CFAP92: variants seen among roughly 807,000 people sequenced by gnomAD.
CFAP92 encodes the protein uncharacterized protein CFAP92.
Under a neutral mutation model 106.3 loss-of-function variants are expected in CFAP92, and 86 were observed. The observed-to-expected ratio is 0.81, with a 90% confidence interval of 0.68 to 0.97. CFAP92 has a LOEUF of 0.97. CFAP92 is among the 50% of genes least tolerant of loss of function. The probability of loss-of-function intolerance (pLI) is 0.00; values close to 1 mark genes in which losing one functional copy is unlikely to be tolerated. For synonymous variants in CFAP92, 477 were observed against 506.4 expected, an observed-to-expected ratio of 0.94 and a Z score of 0.78; for missense variants, 1,204 against 1,283.8, an observed-to-expected ratio of 0.94 and a Z score of 0.95.
chr3:128,994,241 G>T, upstream of CFAP92: 1 of 707,442 alleles, frequency 1.4e-6, no homozygotes, highest in Non-Finnish European at 1.7e-6. Flanking sequence ...CTACATCCAG[G>T]TTCAGAAACC....
In CFAP92 at chr3:128,971,395, T is replaced by C; in HGVS notation, c.1060A>G (p.Arg354Gly). 6.2e-7 allele frequency: 1 copy of C among 1,612,712 alleles called. No homozygotes were observed. The highest frequency in any genetic ancestry group is 8.5e-7 in the Non-Finnish European group (1 of 1,179,366). Residue 354 changes from arginine to glycine, a missense_variant, in exon 8 of 16, where the codon AGG (arginine) becomes GGG (glycine). Coordinates refer to ENST00000645291, the MANE Select transcript of CFAP92 (RefSeq NM_001394090.1). ...KDSEGRRKIQ[R>G]RHKKPLAEEE... Reference sequence around the variant, plus strand: ...TCTGCCAGGGGCTTCTTATGTCTCCTCTGGATTTTCCTTCTTCCCTCTGAA... The same window carrying C: ...TCTGCCAGGGGCTTCTTATGTCTCCCCTGGATTTTCCTTCTTCCCTCTGAA...
At position 128,913,114 on chromosome 3, in the gene CFAP92, A is replaced by G. The variant is rs558100711; in HGVS notation, c.3280+2005T>C. On this transcript the variant is annotated intron_variant, in intron 15 of 15. Coordinates refer to ENST00000645291, the MANE Select transcript of CFAP92 (RefSeq NM_001394090.1). The stretch of plus-strand genomic sequence containing the variant: ...AAAATGTCACAATCTGTGTACTGTT[A>G]GCCTTTGCTGTACTTGTCACACTGT... 3 of 448,058 alleles carry G rather than the reference A, an allele frequency of 6.7e-6. No homozygotes were observed. In the Admixed American group the frequency reaches 7.1e-5, roughly 11 times the overall value. The allele number at this position is 448,058 out of a possible 1,614,324, so 27.8% of individuals were successfully genotyped here. A position where few individuals can be genotyped will look rare whatever the true frequency, so the allele number is the denominator to read the frequency against.
chr3:129,025,614 A>G, the CFAP92 span, among the ~76,000 whole-genome samples: 2 of 152,000 alleles, frequency 1.3e-5, no homozygotes, highest in Admixed American at 6.5e-5. Flanking sequence ...TGTTTTGTGT[A>G]TTTGCTTGTT....
chr3:128,971,443 C>T lies in CFAP92; in HGVS notation c.1022-10G>A, dbSNP rs746114702. ...GAATCTTTCCCTTTAACTGTGAAAT[C>T]AAACAAAGGAGATGAGCATTAAGAG... On this transcript the variant is annotated splice_polypyrimidine_tract_variant and intron_variant, in intron 7 of 15. Transcript: ENST00000645291. 4.8e-5 allele frequency: 76 copies of T among 1,586,766 alleles called. No individual in the cohort carries two copies. The highest frequency in any genetic ancestry group is 1.8e-5 in the Non-Finnish European group (21 of 1,165,756).
chr3:128,951,619 G>A (rs1248964253), intron 9 of CFAP92, among the ~76,000 whole-genome samples: 6 of 152,174 alleles, frequency 3.9e-5, no homozygotes, highest in Admixed American at 3.9e-4. Context: ...GGAGAAGGCA[G>A]TATCCAGAAA....
chr3:128,982,214 AG>A (rs1228897802), intron 4 of CFAP92, among the ~76,000 whole-genome samples: 4 of 152,374 alleles, frequency 2.6e-5, no homozygotes, highest in African/African-American at 9.6e-5. Flanking sequence ...CAGTGATCTT[AG>A]CTAGATCTCC....
In CFAP92 at chr3:128,910,732, T is replaced by A. The variant is rs781042917; in HGVS notation, c.3281-399A>T. 3 of 1,614,218 alleles carry A rather than the reference T, an allele frequency of 1.9e-6. No individual in the cohort carries two copies. The South Asian group carries it at 3.3e-5, about 18-fold the overall frequency. On this transcript the variant is annotated intron_variant, in intron 15 of 15. Transcript: ENST00000645291. ...TTGGGCATATCTTTTCTGTCCTCGG[T>A]TCTGGCAGGTTCTCTTGGCCAACAC...
chr3:129,015,992 C>T, the CFAP92 span, among the ~76,000 whole-genome samples: 1 of 152,304 alleles, frequency 6.6e-6, no homozygotes, highest in Admixed American at 6.5e-5. Context: ...CCTGTCAGCT[C>T]TGCAGCTTCC....
chr3:128,988,879 T>A lies in CFAP92; in HGVS notation c.302A>T (p.Lys101Met). The A allele has an allele frequency of 6.2e-7, 1 of 1,613,786 alleles. No individual in the cohort carries two copies. The highest frequency in any genetic ancestry group is 1.1e-5 in the South Asian group (1 of 91,046). Residue 101 changes from lysine to methionine, a missense_variant, in exon 3 of 16, where the codon AAG (lysine) becomes ATG (methionine). Lys to Met is a moderately conservative substitution (Grantham distance 95). Transcript: ENST00000645291. ...GKYASLIEKY[K>M]KHPKTDSSVT... is the part of the protein sequence containing the mutation. Reference sequence around the variant, plus strand: ...AGAACTGTCTGTTTTAGGGTGTTTCTTATATTTTTCAATCAAACTTGCATA... The same window carrying A: ...AGAACTGTCTGTTTTAGGGTGTTTCATATATTTTTCAATCAAACTTGCATA...
At chr3:129,013,542 T>C in the CFAP92 span, among the ~76,000 whole-genome samples, 1,478 of 152,314 alleles carry the variant, frequency 9.7e-3, 18 homozygotes, top group African/African-American at 0.034. Context: ...GCAAGACAGC[T>C]ACCATCATCA....
chr3:128,909,932 T>TAA lies in CFAP92; in HGVS notation c.*365_*366dup, dbSNP rs1405680534. 10 of 1,568,268 alleles carry TAA rather than the reference T, an allele frequency of 6.4e-6. 2 individuals are homozygous for TAA. The highest frequency in any genetic ancestry group is 4.6e-5 in the East Asian group (2 of 43,956). ...CACTTTCTCAAGGAACACAGGAGAC[T>TAA]AAGACAGGCAAAGATGCAGCCCAGG... On this transcript the variant is annotated 3_prime_UTR_variant, in exon 16 of 16. Transcript: ENST00000645291.
chr3:128,922,867 G>A (rs536944850), intron 12 of CFAP92, among the ~76,000 whole-genome samples: 1 of 152,304 alleles, frequency 6.6e-6, no homozygotes, highest in African/African-American at 2.4e-5. Flanking sequence ...GGACCCACCT[G>A]TATGGTGCAA....
chr3:128,961,825 C>T (rs2107760800), intron 9 of CFAP92, among the ~76,000 whole-genome samples: 1 of 152,326 alleles, frequency 6.6e-6, no homozygotes, highest in South Asian at 2.1e-4. Flanking sequence ...GAATTAACCT[C>T]TCCTTCAAGG....
At chr3:128,936,440 ATGG>A (rs1490872176) in intron 10 of CFAP92, among the ~76,000 whole-genome samples, 2 of 152,178 alleles carry the variant, frequency 1.3e-5, no homozygotes, top group African/African-American at 4.8e-5. Flanking sequence ...CATGACTTTT[ATGG>A]TGTTGTGAAA....
At chr3:128,951,421 TAC>T (rs1162796151) in intron 9 of CFAP92, among the ~76,000 whole-genome samples, 2 of 152,184 alleles carry the variant, frequency 1.3e-5, no homozygotes, top group East Asian at 1.9e-4. Flanking sequence ...AAAATACACT[TAC>T]AGAGTTCCTG....
chr3:128,949,393 C>T (rs144343788), intron 9 of CFAP92, among the ~76,000 whole-genome samples: 70 of 152,290 alleles, frequency 4.6e-4, no homozygotes, highest in African/African-American at 1.6e-3. Context: ...AAAGAACTAC[C>T]GATAGATGCG....
intron 1 of CFAP92, among the ~76,000 whole-genome samples, chr3:128,999,464 T>C (rs1212410878): frequency 9.8e-6 from 1 of 101,610 alleles, no homozygotes; most frequent in African/African-American, 3.9e-5. Context: ...GGATGGGGGG[T>C]GGGGAGGGTG....
the CFAP92 span, among the ~76,000 whole-genome samples, chr3:129,022,314 G>T: frequency 1.1e-4 from 16 of 152,196 alleles, no homozygotes; most frequent in African/African-American, 3.6e-4. Flanking sequence ...GACGGGGAGG[G>T]AGTTGTGCAG....
rs928955925 is a variant in CFAP92 at position 129,002,420 on chromosome 3, G to A, written n.117+154C>T. ...GGAGCCCGACAGGACAGAGTCAGAG[G>A]AAGGGGAGACAGAGGGCAGCCCCAC... On this transcript the variant is annotated intron_variant and non_coding_transcript_variant, in intron 1 of 4. Coordinates refer to the CFAP92 transcript ENST00000510149. 21 of 1,424,824 alleles carry A rather than the reference G, an allele frequency of 1.5e-5. No homozygotes were observed. In the South Asian group the frequency reaches 2.9e-4, roughly 20 times the overall value. 88.3% of individuals were successfully genotyped at this position (1,424,824 alleles called of 1,614,324 possible). A position where few individuals can be genotyped will look rare whatever the true frequency, so the allele number is the denominator to read the frequency against.
Sources: gnomAD v4.1 joint callset for allele counts (sites outside exome capture counted in the v4.1 genomes callset) on GRCh38, gnomAD v4.1.1 for gene constraint, MANE v1.5 for transcripts, NCBI Gene and HGNC (gene_info 2026-07-23, HGNC 2026-07-21) for gene names.